RGS6: variants seen among roughly 807,000 people sequenced by gnomAD.
RGS6 encodes the protein regulator of G-protein signaling 6.
In RGS6, 30 loss-of-function variants were observed where a neutral mutation model predicts 78.5. The ratio of observed to expected loss-of-function variants is 0.38; its 90% CI spans 0.29 to 0.52. RGS6 has a LOEUF of 0.52. RGS6 is among the 20% of genes least tolerant of loss of function. RGS6 has a pLI of 0.85. For synonymous variants in RGS6, 206 were observed against 206.0 expected (o/e 1.00, Z 0.00); for missense variants, 495 against 609.7 (o/e 0.81, Z 1.98).
At position 72,404,802 on chromosome 14, in the gene RGS6, C is replaced by T. The variant is rs552391996; in HGVS notation, c.185-49726C>T. ...CTGAATTGAGGGAAGTGGGGGTCCTCCTGCATCCCGAGATAGCGAGAGCAC... is the reference window on the plus strand; with the variant it reads ...CTGAATTGAGGGAAGTGGGGGTCCTTCTGCATCCCGAGATAGCGAGAGCAC... On this transcript the variant is annotated intron_variant, in intron 3 of 17. Coordinates refer to ENST00000553525, the MANE Select transcript of RGS6 (RefSeq NM_001204424.2). 6.6e-4 allele frequency among the ~76,000 whole-genome samples: 101 copies of T among 152,204 alleles called. 1 individual carries two copies. The highest frequency in any genetic ancestry group is 2.3e-3 in the African/African-American group (95 of 41,534).
intron 2 of RGS6, among the ~76,000 whole-genome samples, chr14:72,079,577 G>A (rs2094730991): frequency 6.6e-6 from 1 of 152,046 alleles, no homozygotes; most frequent in Admixed American, 6.6e-5. Flanking sequence ...CACCCACCCA[G>A]CAACTTTCAA....
At chr14:72,164,952 C>G (rs1189953759) in intron 2 of RGS6, among the ~76,000 whole-genome samples, 1 of 152,162 alleles carries the variant, frequency 6.6e-6, no homozygotes, top group African/African-American at 2.4e-5. Flanking sequence ...AATTTGCAAA[C>G]TTCTAAAGAA....
At chr14:71,916,475 AC>A in the RGS6 span, among the ~76,000 whole-genome samples, 1 of 152,180 alleles carries the variant, frequency 6.6e-6, no homozygotes, top group Non-Finnish European at 1.5e-5. Context: ...CAAGGGAAAT[AC>A]GTTTTTTTGA....
rs142792172 is a variant in RGS6, at chr14:72,256,579, C to A, written c.85-95516C>A. Among the ~76,000 whole-genome samples the A allele has an allele frequency of 3.1e-3, 468 of 152,200 alleles. 1 individual carries two copies. The highest frequency in any genetic ancestry group is 0.011 in the African/African-American group (452 of 41,540). On this transcript the variant is annotated intron_variant, in intron 2 of 17. Transcript: ENST00000553525. ...GCCCCTCCCATAATTCTAACCTTGT[C>A]GCTTTTCATTAGTTTTACAAGGGTG...
chr14:72,111,785 G>C (rs960603455), intron 2 of RGS6, among the ~76,000 whole-genome samples: 2 of 152,146 alleles, frequency 1.3e-5, no homozygotes, highest in African/African-American at 4.8e-5. Flanking sequence ...CATTCAGTGC[G>C]CACTCAAAAG....
chr14:72,539,808 C>G (rs969395410), intron 16 of RGS6, among the ~76,000 whole-genome samples: 2 of 152,242 alleles, frequency 1.3e-5, no homozygotes, highest in Non-Finnish European at 2.9e-5. Flanking sequence ...AAGCCCCCCT[C>G]TCTGCTCCCT....
intron 3 of RGS6, among the ~76,000 whole-genome samples, chr14:72,403,430 G>A (rs895780649): frequency 2.0e-5 from 3 of 152,142 alleles, no homozygotes; most frequent in Non-Finnish European, 4.4e-5. Flanking sequence ...GAGTACAATT[G>A]TAGTTATTAG....
intron 2 of RGS6, among the ~76,000 whole-genome samples, chr14:72,280,629 C>G (rs1241295333): frequency 2.0e-5 from 3 of 152,224 alleles, no homozygotes; most frequent in South Asian, 2.1e-4. Context: ...AAACAATGTC[C>G]TCATTCTCGT....
intron 2 of RGS6, among the ~76,000 whole-genome samples, chr14:72,247,473 T>C (rs1336106907): frequency 6.6e-6 from 1 of 152,196 alleles, no homozygotes; most frequent in Non-Finnish European, 1.5e-5. Flanking sequence ...ATGCAATTGC[T>C]TATCTTCAAG....
intron 2 of RGS6, among the ~76,000 whole-genome samples, chr14:72,276,947 C>G (rs896735009): frequency 2.6e-5 from 4 of 151,610 alleles, no homozygotes; most frequent in African/African-American, 7.3e-5. Context: ...GCTGTCCATT[C>G]CCAGTAGAAT....
intron 2 of RGS6, among the ~76,000 whole-genome samples, chr14:72,253,901 G>A (rs1338086449): frequency 1.3e-5 from 2 of 152,158 alleles, no homozygotes; most frequent in African/African-American, 4.8e-5. Context: ...ACTGATACAG[G>A]TCTATCTGGC....
At chr14:72,032,705 A>G (rs1387423906) in intron 2 of RGS6, among the ~76,000 whole-genome samples, 2 of 151,930 alleles carry the variant, frequency 1.3e-5, no homozygotes, top group East Asian at 3.9e-4. Flanking sequence ...CTTATGCAGT[A>G]TTTGTTTTTT....
intron 2 of RGS6, 74 bp downstream of exon 2, chr14:71,964,949 A>C (rs955164309): frequency 8.9e-7 from 1 of 1,119,416 alleles, no homozygotes; most frequent in African/African-American, 1.6e-5. Flanking sequence ...TGATAAAAAG[A>C]CAAATGTTTT....
intron 2 of RGS6, among the ~76,000 whole-genome samples, chr14:72,224,416 CA>C (rs1323799208): frequency 2.0e-5 from 3 of 147,560 alleles, no homozygotes; most frequent in East Asian, 4.0e-4. Context: ...GACCCTATCT[CA>C]AAAAAAAGAA....
At chr14:72,415,589 C>A (rs1004637108) in intron 3 of RGS6, among the ~76,000 whole-genome samples, 1 of 152,216 alleles carries the variant, frequency 6.6e-6, no homozygotes, top group African/African-American at 2.4e-5. Context: ...GAACCCGGTA[C>A]CTCAGTTGGA....
chr14:72,492,619 C>T (rs925631414), intron 12 of RGS6, among the ~76,000 whole-genome samples: 1 of 152,120 alleles, frequency 6.6e-6, no homozygotes, highest in African/African-American at 2.4e-5. Context: ...TTCTGAGGCC[C>T]TTCCATTCTC....
Position 72,470,181 on chromosome 14 carries a change from C to T in RGS6, c.536+98C>T, listed in dbSNP as rs762384007. Reference sequence around the variant, plus strand: ...TTGTCAAAGTGAAGTTTCCAGATGGCGTTAGTATTTCTAATAGGGCCTGAG... The same window carrying T: ...TTGTCAAAGTGAAGTTTCCAGATGGTGTTAGTATTTCTAATAGGGCCTGAG... On this transcript the variant is annotated intron_variant, in intron 8 of 17. Coordinates refer to ENST00000553525, the MANE Select transcript of RGS6 (RefSeq NM_001204424.2). 542 of 877,580 alleles carry T rather than the reference C, an allele frequency of 6.2e-4. 2 individuals are homozygous for T. The highest frequency in any genetic ancestry group is 8.3e-4 in the Non-Finnish European group (443 of 532,622). 54.4% of individuals were successfully genotyped at this position (877,580 alleles called of 1,614,324 possible).
intron 2 of RGS6, among the ~76,000 whole-genome samples, chr14:72,176,768 C>T (rs769682777): frequency 1.3e-5 from 2 of 152,100 alleles, no homozygotes; most frequent in East Asian, 1.9e-4. Context: ...AATATAAAGT[C>T]CACTAATCTT....
At position 72,564,117 on chromosome 14, in the gene RGS6, C is replaced by T. The variant is rs2097699018; in HGVS notation, c.*1650C>T. On this transcript the variant is annotated 3_prime_UTR_variant, in exon 18 of 18. Coordinates refer to ENST00000553525, the MANE Select transcript of RGS6 (RefSeq NM_001204424.2). ...TGTCTATGTCTGCTTCCACACAGCC[C>T]TGTCCCCAGGGCACCAGCCTTCTGT... The T allele has an allele frequency of 6.6e-6, 1 of 152,340 alleles. No individual in the cohort carries two copies. 9.4% of individuals were successfully genotyped at this position (152,340 alleles called of 1,614,324 possible).
Sources: gnomAD v4.1 joint callset for allele counts (sites outside exome capture counted in the v4.1 genomes callset) on GRCh38, gnomAD v4.1.1 for gene constraint, MANE v1.5 for transcripts, NCBI Gene and HGNC (gene_info 2026-07-23, HGNC 2026-07-21) for gene names.